DNA2: variants seen among roughly 807,000 people sequenced by gnomAD.
DNA2 encodes the protein DNA replication ATP-dependent helicase/nuclease DNA2.
In DNA2, 101 loss-of-function variants were observed where a neutral mutation model predicts 119.1. The ratio of observed to expected loss-of-function variants is 0.85; its 90% CI spans 0.72 to 1.00. The LOEUF (loss-of-function observed/expected upper bound fraction) is 1.00, where lower values mean the gene tolerates loss of function less well. Among genes scored for constraint, DNA2 ranks in the 50% least tolerant of loss-of-function variants. The probability of loss-of-function intolerance (pLI) is 0.00; values close to 1 mark genes in which losing one functional copy is unlikely to be tolerated. For missense variants in DNA2, 1,121 were observed against 1,255.5 expected, an observed-to-expected ratio of 0.89 and a Z score of 1.62; for synonymous variants, 366 against 424.4, an observed-to-expected ratio of 0.86 and a Z score of 1.69.
chr10:68,424,601 C>A (rs2051711718), intron 14 of DNA2: 1 of 1,351,918 alleles, frequency 7.4e-7, no homozygotes, highest in Non-Finnish European at 1.1e-6. Context: ...GCAGCAAAAA[C>A]CGCAAACGTC....
At chr10:68,462,985 AGCCG>A (rs2052278522) in intron 4 of DNA2, among the ~76,000 whole-genome samples, 1 of 151,948 alleles carries the variant, frequency 6.6e-6, no homozygotes, top group Non-Finnish European at 1.5e-5. Flanking sequence ...CAAAAAAATT[AGCCG>A]GCCATGGTGG....
chr10:68,446,826 G>A (rs886573738), intron 6 of DNA2, among the ~76,000 whole-genome samples: 6 of 152,098 alleles, frequency 3.9e-5, no homozygotes, highest in African/African-American at 1.2e-4. Flanking sequence ...TAGAAGGTTG[G>A]TTACCAGAGG....
chr10:68,461,349 G>T (rs2052255337), intron 4 of DNA2: 2 of 152,148 alleles, frequency 1.3e-5, no homozygotes, highest in South Asian at 4.1e-4. Flanking sequence ...GCAGATACAA[G>T]AATCCACGAT....
chr10:68,442,220 A>ATT (rs79776225), intron 9 of DNA2, among the ~76,000 whole-genome samples: 11 of 141,266 alleles, frequency 7.8e-5, no homozygotes, highest in African/African-American at 1.0e-4. Flanking sequence ...GACAAAAGTA[A>ATT]TTTTTTTTTT....
chr10:68,451,888 C>T (rs2052123266), intron 5 of DNA2, among the ~76,000 whole-genome samples: 1 of 150,366 alleles, frequency 6.7e-6, no homozygotes, highest in African/African-American at 2.4e-5. Context: ...CCACACCTGG[C>T]CATGGACAGC....
At chr10:68,463,622 G>A (rs114103294) in intron 4 of DNA2, among the ~76,000 whole-genome samples, 3,475 of 144,474 alleles carry the variant, frequency 0.024, 127 homozygotes, top group African/African-American at 0.085. Context: ...AGTGAGCCTA[G>A]TGAGCCACTG....
chr10:68,426,664 C>T (rs1044628521), intron 14 of DNA2, among the ~76,000 whole-genome samples: 7 of 150,732 alleles, frequency 4.6e-5, no homozygotes, highest in Non-Finnish European at 8.8e-5. Flanking sequence ...GGTGAAACCC[C>T]GTCTCTACTA....
At chr10:68,450,356 T>A in intron 5 of DNA2, 109 bp from the exon 6 acceptor site, 1 of 827,128 alleles carries the variant, frequency 1.2e-6, no homozygotes, top group Non-Finnish European at 1.9e-6. Context: ...GGGGAAAGAG[T>A]CTACCTACCT....
At chr10:68,432,111 TGTAGTTGCAAGTCTAATC>T (rs900000038) in intron 12 of DNA2, 77 bp downstream of exon 12, 2 of 1,119,958 alleles carry the variant, frequency 1.8e-6, no homozygotes, top group Non-Finnish European at 2.6e-6. Context: ...GTCTAAACAT[TGTAGTTGCAAGTCTAATC>T]AAGATATTAG....
chr10:68,457,641 T>C (rs2052201680), intron 5 of DNA2, among the ~76,000 whole-genome samples: 1 of 151,872 alleles, frequency 6.6e-6, no homozygotes, highest in Non-Finnish European at 1.5e-5. Flanking sequence ...ACCTAAAACA[T>C]TACTTGGCAT....
intron 9 of DNA2, 121 bp from the exon 10 acceptor site, chr10:68,437,362 G>A: frequency 1.2e-6 from 1 of 866,540 alleles, no homozygotes; most frequent in Admixed American, 2.9e-5. Context: ...GAGGCCGGGT[G>A]TGGTGGCTCA....
intron 4 of DNA2, among the ~76,000 whole-genome samples, chr10:68,464,276 G>A (rs761571501): frequency 1.3e-5 from 2 of 152,118 alleles, no homozygotes; most frequent in African/African-American, 4.8e-5. Context: ...ACTTTGGGAC[G>A]CCAAGGTGGG....
rs371354812 is a variant in DNA2 at position 68,439,838 on chromosome 10, C to CAAA, written c.1416-2600_1416-2598dup. Among the ~76,000 whole-genome samples, 483 of 122,730 alleles carry CAAA rather than the reference C, an allele frequency of 3.9e-3. 2 individuals carry two copies. Among genetic ancestry groups the CAAA allele is most frequent in the African/African-American group, 0.011 (373 of 32,846 alleles). The allele number at this position is 122,730 out of a possible 152,430, so 80.5% of individuals were successfully genotyped here. On this transcript the variant is annotated intron_variant, in intron 9 of 20. Coordinates refer to ENST00000358410, the MANE Select transcript of DNA2 (RefSeq NM_001080449.3). ...GAGCAACAAGAGGGAAATTCTGTCT[C>CAAA]AAAAAAAAAAAAAAAAATTAGCTGA...
At chr10:68,423,398 C>T (rs576535336) in intron 14 of DNA2, among the ~76,000 whole-genome samples, 5 of 152,142 alleles carry the variant, frequency 3.3e-5, no homozygotes, top group Admixed American at 3.3e-4. Flanking sequence ...TTCTTTTTGC[C>T]TCATAGATCC....
Position 68,430,620 on chromosome 10 carries a change from G to C in DNA2, c.2024C>G (p.Thr675Ser). 1 of 1,604,844 alleles carries C rather than the reference G, an allele frequency of 6.2e-7. No individual in the cohort carries two copies. Among genetic ancestry groups the C allele is most frequent in the Non-Finnish European group, 8.5e-7 (1 of 1,175,560 alleles). Residue 675 changes from threonine to serine, a missense_variant, in exon 14 of 21, where the codon ACC (threonine) becomes AGC (serine). Physicochemically the swap from Thr to Ser is moderately conservative, Grantham distance 58. Transcript: ENST00000358410. Reference protein sequence around the residue: ...LYACGFSVLLTSYTHSAVDNI... With the variant: ...LYACGFSVLLSSYTHSAVDNI... ...GTCAACAGCAGAGTGTGTATAGCTG[G>C]TCAACAAAACGCTAAAACCACAGGC...
intron 4 of DNA2, among the ~76,000 whole-genome samples, chr10:68,464,599 C>T (rs1026288033): frequency 2.6e-5 from 4 of 151,642 alleles, no homozygotes; most frequent in Non-Finnish European, 5.9e-5. Flanking sequence ...TGTGGGAGGC[C>T]GAGGCAGGCG....
chr10:68,471,992 C>T (rs375612776), upstream of DNA2: 14 of 1,611,222 alleles, frequency 8.7e-6, no homozygotes, highest in African/African-American at 2.7e-5. Context: ...CCGCAGATGT[C>T]CCAAATGACC....
chr10:68,431,872 A>G lies in DNA2; in HGVS notation c.1973T>C (p.Ile658Thr). ...GMPGTGKTTT[I>T]CTLVRILYAC... Reference sequence around the variant, plus strand: ...GAATAATAACCTTACGAGAGTACATATCGTAGTTGTTTTTCCTGTCCCAGG... The same window carrying G: ...GAATAATAACCTTACGAGAGTACATGTCGTAGTTGTTTTTCCTGTCCCAGG... Residue 658 changes from isoleucine to threonine, a missense_variant, in exon 13 of 21, where the codon ATA (isoleucine) becomes ACA (threonine). By Grantham distance (89) the Ile-to-Thr change is moderately conservative (BLOSUM62 -1). Coordinates refer to ENST00000358410, the MANE Select transcript of DNA2 (RefSeq NM_001080449.3). The G allele has an allele frequency of 6.2e-7, 1 of 1,604,902 alleles. No homozygotes were observed. The highest frequency in any genetic ancestry group is 8.5e-7 in the Non-Finnish European group (1 of 1,172,150).
chr10:68,442,122 C>T (rs2051977191), intron 9 of DNA2, among the ~76,000 whole-genome samples: 1 of 151,980 alleles, frequency 6.6e-6, no homozygotes, highest in Non-Finnish European at 1.5e-5. Flanking sequence ...GCCATGTTGC[C>T]CAGGCGGGTC....
Sources: allele counts gnomAD v4.1 joint callset (sites outside exome capture counted in the v4.1 genomes callset), GRCh38; gene constraint gnomAD v4.1.1; transcripts MANE v1.5; gene names NCBI Gene and HGNC (gene_info 2026-07-23, HGNC 2026-07-21).